The following TRDN variants were observed in gnomAD, a reference collection of about 807,000 sequenced individuals.
TRDN encodes the protein triadin.
A neutral mutation model predicts 149.7 loss-of-function variants in TRDN; 161 were observed. The ratio of observed to expected loss-of-function variants is 1.08; its 90% CI spans 0.95 to 1.23. TRDN has a LOEUF of 1.23. TRDN is among the 50% of genes most tolerant of loss of function. The pLI is 0.00. For missense variants in TRDN, 896 were observed against 823.5 expected (o/e 1.09, Z -1.08); for synonymous variants, 294 against 250.5 (o/e 1.17, Z -1.64).
intron 1 of TRDN, among the ~76,000 whole-genome samples, chr6:123,599,671 T>C (rs1784191538): frequency 1.3e-5 from 2 of 152,064 alleles, no homozygotes; most frequent in Non-Finnish European, 1.5e-5. Context: ...TATTTCCCCA[T>C]TTTGATTAAA....
At chr6:123,295,011 T>C (rs1778143990) in intron 24 of TRDN, among the ~76,000 whole-genome samples, 1 of 152,066 alleles carries the variant, frequency 6.6e-6, no homozygotes, top group Admixed American at 6.6e-5. Flanking sequence ...ATCTAATCTT[T>C]GAGGGGGCAG....
chr6:123,525,721 T>C (rs1779912074), intron 5 of TRDN, among the ~76,000 whole-genome samples: 2 of 152,030 alleles, frequency 1.3e-5, no homozygotes, highest in South Asian at 4.1e-4. Context: ...CTTGTATTTT[T>C]ATATTTAATT....
chr6:123,443,667 T>C (rs12193755), intron 10 of TRDN, among the ~76,000 whole-genome samples: 22,020 of 150,862 alleles, frequency 0.15, 2,259 homozygotes, highest in African/African-American at 0.3. Context: ...AACGTTTAAG[T>C]CTTTAATCCA....
chr6:123,389,908 CA>C (rs1298625886), intron 13 of TRDN, among the ~76,000 whole-genome samples: 3 of 152,100 alleles, frequency 2.0e-5, no homozygotes, highest in Non-Finnish European at 4.4e-5. Context: ...TGATGAATTT[CA>C]AAGCCATGAG....
At chr6:123,223,721 C>CTTCCTTCA (rs1775245838) in intron 39 of TRDN, among the ~76,000 whole-genome samples, 1 of 144,862 alleles carries the variant, frequency 6.9e-6, no homozygotes, top group Non-Finnish European at 1.5e-5. Flanking sequence ...TCCTTCCTTC[C>CTTCCTTCA]TTCCTTCCTT....
intron 12 of TRDN, among the ~76,000 whole-genome samples, chr6:123,407,120 G>T (rs1027081281): frequency 1.3e-5 from 2 of 152,072 alleles, no homozygotes; most frequent in Non-Finnish European, 2.9e-5. Context: ...AGACACCATT[G>T]TTTTATTATC....
chr6:123,622,072 C>T (rs1185968354), intron 1 of TRDN, among the ~76,000 whole-genome samples: 1 of 151,980 alleles, frequency 6.6e-6, no homozygotes, highest in African/African-American at 2.4e-5. Context: ...CTCTGGCCTC[C>T]CCTTCCAACT....
At chr6:123,568,648 G>A (rs1782410890) in intron 2 of TRDN, among the ~76,000 whole-genome samples, 1 of 152,200 alleles carries the variant, frequency 6.6e-6, no homozygotes, top group Non-Finnish European at 1.5e-5. Context: ...TCTGGAGTGG[G>A]AGCCTGATCT....
chr6:123,312,948 T>C (rs1778887914), intron 24 of TRDN, among the ~76,000 whole-genome samples: 1 of 152,148 alleles, frequency 6.6e-6, no homozygotes, highest in East Asian at 1.9e-4. Context: ...ATGTTTTCAA[T>C]AAGTTGTTGA....
intron 34 of TRDN, 67 bp from the exon 35 acceptor site, chr6:123,259,729 A>G (rs992586694): frequency 8.5e-6 from 10 of 1,178,784 alleles, no homozygotes; most frequent in South Asian, 1.4e-5. Flanking sequence ...TCATTCTTGG[A>G]GTAAACAGTT....
chr6:123,500,532 C>T (rs918869852), intron 8 of TRDN, among the ~76,000 whole-genome samples: 1 of 152,076 alleles, frequency 6.6e-6, no homozygotes, highest in African/African-American at 2.4e-5. Context: ...AATTGTCCTG[C>T]CATTCTAACT....
chr6:123,478,122 C>A (rs77902858), intron 9 of TRDN, among the ~76,000 whole-genome samples: 5,959 of 151,182 alleles, frequency 0.039, 346 homozygotes, highest in African/African-American at 0.12. Context: ...AAATTTTTTA[C>A]CTCCATTTTA....
intron 24 of TRDN, among the ~76,000 whole-genome samples, chr6:123,282,190 T>C (rs1332808853): frequency 1.3e-5 from 2 of 151,958 alleles, no homozygotes; most frequent in South Asian, 2.1e-4. Context: ...AATTTATATA[T>C]GTATCAATAG....
At chr6:123,226,898 A>G (rs1307780224) in intron 38 of TRDN, among the ~76,000 whole-genome samples, 1 of 151,844 alleles carries the variant, frequency 6.6e-6, no homozygotes, top group Non-Finnish European at 1.5e-5. Flanking sequence ...TAATGAAGGA[A>G]GTAAAATTTG....
At chr6:123,502,080 T>C (rs1778724489) in intron 8 of TRDN, 2 of 984,158 alleles carry the variant, frequency 2.0e-6, no homozygotes, top group Non-Finnish European at 2.4e-6. Context: ...GTATTTATGG[T>C]TAAAAATTAG....
At chr6:123,252,366 T>C (rs1776403549) in intron 38 of TRDN, 46 bp downstream of exon 38, 2 of 1,195,794 alleles carry the variant, frequency 1.7e-6, no homozygotes, top group South Asian at 1.6e-5. Flanking sequence ...TTAAAATTGA[T>C]ACTATGTATC....
intron 37 of TRDN, among the ~76,000 whole-genome samples, chr6:123,254,382 T>C (rs1431087583): frequency 1.3e-5 from 2 of 152,010 alleles, no homozygotes; most frequent in Middle Eastern, 3.4e-3. Flanking sequence ...TAAAAGGGAG[T>C]CAGTGAAAAA....
chr6:123,358,734 C>T (rs1254989219), intron 20 of TRDN, among the ~76,000 whole-genome samples: 1 of 152,106 alleles, frequency 6.6e-6, no homozygotes, highest in Non-Finnish European at 1.5e-5. Flanking sequence ...TCACCTGCCT[C>T]GGCCTCCCAA....
At chr6:123,490,553 G>A (rs1205947470) in intron 9 of TRDN, among the ~76,000 whole-genome samples, 2 of 152,116 alleles carry the variant, frequency 1.3e-5, no homozygotes, top group African/African-American at 4.8e-5. Context: ...AAGAGGACAC[G>A]ACTGTATTCT....
Sources: allele counts gnomAD v4.1 joint callset (sites outside exome capture counted in the v4.1 genomes callset), GRCh38; gene constraint gnomAD v4.1.1; transcripts MANE v1.5; gene names NCBI Gene and HGNC (gene_info 2026-07-23, HGNC 2026-07-21).